Variants in PKD1L1 observed in about 807,000 individuals in gnomAD.
PKD1L1 encodes polycystin-1-like protein 1.
Under a neutral mutation model 323.4 loss-of-function variants are expected in PKD1L1, and 236 were observed. That is an observed-to-expected ratio of 0.73 (90% CI 0.66 to 0.81). PKD1L1 has a LOEUF of 0.81. Ranked by LOEUF, PKD1L1 falls within the 40% of genes least tolerant of loss-of-function variation. The probability of loss-of-function intolerance (pLI) is 0.00; values close to 1 mark genes in which losing one functional copy is unlikely to be tolerated. For missense variants in PKD1L1, 3,320 were observed against 3,508.0 expected, an observed-to-expected ratio of 0.95 and a Z score of 1.35; for synonymous variants, 1,344 against 1,335.0, an observed-to-expected ratio of 1.01 and a Z score of -0.15.
intron 23 of PKD1L1, among the ~76,000 whole-genome samples, chr7:47,874,476 C>T (rs1786360031): frequency 6.6e-6 from 1 of 152,168 alleles, no homozygotes; most frequent in Non-Finnish European, 1.5e-5. Context: ...TTTATAACAA[C>T]ATTTTCAACC....
chr7:47,888,762 C>A (rs1786743338), intron 16 of PKD1L1, among the ~76,000 whole-genome samples: 1 of 152,198 alleles, frequency 6.6e-6, no homozygotes, highest in Non-Finnish European at 1.5e-5. Context: ...GGCCTGCATT[C>A]CATGGCTGCC....
chr7:47,915,860 A>C (rs960845078), intron 7 of PKD1L1, among the ~76,000 whole-genome samples: 16 of 152,084 alleles, frequency 1.1e-4, no homozygotes, highest in Admixed American at 9.8e-4. Flanking sequence ...TTAAATAGAT[A>C]ATTATAAAAG....
intron 56 of PKD1L1, among the ~76,000 whole-genome samples, chr7:47,780,770 A>T (rs1786674409): frequency 6.6e-6 from 1 of 152,210 alleles, no homozygotes; most frequent in Non-Finnish European, 1.5e-5. Flanking sequence ...ATTGCTTAGT[A>T]GCATTCCATG....
At chr7:47,876,529 C>A (rs1786406906) in intron 22 of PKD1L1, among the ~76,000 whole-genome samples, 1 of 152,094 alleles carries the variant, frequency 6.6e-6, no homozygotes, top group African/African-American at 2.4e-5. Flanking sequence ...GGGTGAAGGG[C>A]CCCAGCTGCC....
chr7:47,802,786 G>A (rs1024377853), intron 53 of PKD1L1, among the ~76,000 whole-genome samples: 27 of 152,218 alleles, frequency 1.8e-4, no homozygotes, highest in Non-Finnish European at 7.3e-5. Context: ...TGAAGACTTG[G>A]CTGTGCCCTG....
At chr7:47,815,936 T>C (rs1337126128) in intron 46 of PKD1L1, among the ~76,000 whole-genome samples, 1 of 151,418 alleles carries the variant, frequency 6.6e-6, no homozygotes, top group Non-Finnish European at 1.5e-5. Flanking sequence ...TAGGTGGTGA[T>C]GTCTAGCAAA....
chr7:47,808,570 A>G (rs1342307585), intron 51 of PKD1L1, among the ~76,000 whole-genome samples, 183 bp from the exon 52 acceptor site: 2 of 152,216 alleles, frequency 1.3e-5, no homozygotes, highest in African/African-American at 4.8e-5. Flanking sequence ...TTATGCAAAC[A>G]TAGACAGTCC....
intron 56 of PKD1L1, 94 bp from the exon 57 acceptor site, chr7:47,775,260 A>C (rs1786542663): frequency 1.4e-6 from 2 of 1,402,958 alleles, no homozygotes; most frequent in African/African-American, 2.8e-5. Context: ...TGCTGATCAG[A>C]CCTGAACACC....
chr7:47,838,862 G>A (rs1057058799), intron 36 of PKD1L1, among the ~76,000 whole-genome samples: 1 of 117,994 alleles, frequency 8.5e-6, no homozygotes, highest in Non-Finnish European at 1.6e-5. Context: ...TGGCAGTAGA[G>A]TGAGACTCCA....
intron 52 of PKD1L1, among the ~76,000 whole-genome samples, chr7:47,806,479 T>C (rs1023044071): frequency 4.6e-5 from 7 of 152,206 alleles, no homozygotes; most frequent in African/African-American, 1.7e-4. Context: ...AGCAGAGCTA[T>C]ACTATAAAAG....
At chr7:47,932,877 C>T (rs940811943) in intron 4 of PKD1L1, among the ~76,000 whole-genome samples, 6 of 152,212 alleles carry the variant, frequency 3.9e-5, no homozygotes, top group African/African-American at 1.4e-4. Context: ...TGGGCTTGCT[C>T]TGCTCTGCAG....
At position 47,814,024 on chromosome 7, in the gene PKD1L1, G is replaced by C. The variant is rs1162991690; in HGVS notation, c.7090-10C>G. On this transcript the variant is annotated splice_polypyrimidine_tract_variant and intron_variant, in intron 47 of 56. Coordinates refer to ENST00000289672, the MANE Select transcript of PKD1L1 (RefSeq NM_138295.5). ...CTCCAAGAGCTCCAGGCTGAAAGGA[G>C]AAAAAAGATGATGAGGACTGGGTGT... 1.9e-6 allele frequency: 3 copies of C among 1,611,082 alleles called. No homozygotes were observed. The highest frequency in any genetic ancestry group is 2.5e-6 in the Non-Finnish European group (3 of 1,178,336).
intron 44 of PKD1L1, among the ~76,000 whole-genome samples, chr7:47,828,982 C>A (rs1785289285): frequency 6.6e-6 from 1 of 152,068 alleles, no homozygotes; most frequent in South Asian, 2.1e-4. Context: ...ATTCACACTG[C>A]CCAACAGAAT....
intron 19 of PKD1L1, among the ~76,000 whole-genome samples, chr7:47,883,408 G>A (rs1049724277): frequency 3.3e-5 from 5 of 152,160 alleles, no homozygotes; most frequent in Admixed American, 1.3e-4. Flanking sequence ...TAAACTAACT[G>A]ATTCTAAACT....
At chr7:47,870,174 AAC>A (rs1491060616) in intron 24 of PKD1L1, among the ~76,000 whole-genome samples, 48,599 of 151,486 alleles carry the variant, frequency 0.32, 8,295 homozygotes, top group African/African-American at 0.42. Context: ...CTTAAGAAAC[AAC>A]AACAACAAAA....
intron 4 of PKD1L1, among the ~76,000 whole-genome samples, chr7:47,932,845 A>C (rs1787798715): frequency 6.6e-6 from 1 of 152,148 alleles, no homozygotes; most frequent in African/African-American, 2.4e-5. Flanking sequence ...AAGTATTTCC[A>C]ATGCCTGCAG....
At chr7:47,923,434 T>G (rs73335703) in intron 7 of PKD1L1, among the ~76,000 whole-genome samples, 8,337 of 151,554 alleles carry the variant, frequency 0.055, 779 homozygotes, top group African/African-American at 0.19. Flanking sequence ...TAGGGTGCAG[T>G]GTATATGGCT....
intron 53 of PKD1L1, 92 bp downstream of exon 53, chr7:47,803,118 A>G: frequency 1.3e-6 from 2 of 1,505,460 alleles, no homozygotes; most frequent in South Asian, 2.4e-5. Flanking sequence ...TTTAACCTTG[A>G]GAGCAGTTTG....
intron 8 of PKD1L1, among the ~76,000 whole-genome samples, chr7:47,912,461 G>A (rs771679043): frequency 6.6e-6 from 1 of 152,126 alleles, no homozygotes; most frequent in Admixed American, 6.5e-5. Flanking sequence ...CTGGAGAAAG[G>A]TGACCCAGAG....
Sources: allele counts gnomAD v4.1 joint callset (sites outside exome capture counted in the v4.1 genomes callset), GRCh38; gene constraint gnomAD v4.1.1; transcripts MANE v1.5; gene names NCBI Gene and HGNC (gene_info 2026-07-23, HGNC 2026-07-21).